PCDH15: variants seen among roughly 807,000 people sequenced by gnomAD.
PCDH15 encodes the protein protocadherin related 15.
Under a neutral mutation model 178.5 loss-of-function variants are expected in PCDH15, and 129 were observed. The ratio of observed to expected loss-of-function variants is 0.72; its 90% CI spans 0.63 to 0.84. The LOEUF (loss-of-function observed/expected upper bound fraction) is 0.84, where lower values mean the gene tolerates loss of function less well. PCDH15 is among the 40% of genes least tolerant of loss of function. The probability of loss-of-function intolerance (pLI) is 0.00; values close to 1 mark genes in which losing one functional copy is unlikely to be tolerated. For missense variants in PCDH15, 2,230 were observed against 2,099.9 expected (o/e 1.06, Z -1.21); for synonymous variants, 800 against 732.0 (o/e 1.09, Z -1.50).
At chr10:54,897,631 A>G (rs1170482756) in intron 2 of PCDH15, 1 of 152,152 alleles carries the variant, frequency 6.6e-6, no homozygotes, top group Non-Finnish European at 1.5e-5. Flanking sequence ...GTGTTTACAT[A>G]TTTTGTAGCT....
intron 15 of PCDH15, among the ~76,000 whole-genome samples, chr10:54,100,924 T>C (rs2094799822): frequency 6.6e-6 from 1 of 152,116 alleles, no homozygotes; most frequent in African/African-American, 2.4e-5. Flanking sequence ...TCATGTCCAC[T>C]TTATATACTG....
At chr10:54,174,764 G>A (rs2047281335) in intron 13 of PCDH15, among the ~76,000 whole-genome samples, 1 of 121,930 alleles carries the variant, frequency 8.2e-6, no homozygotes, top group South Asian at 2.5e-4. Context: ...GGAGTGCAAT[G>A]GCGCGATCTT....
chr10:54,569,018 A>G (rs1300677782), intron 2 of PCDH15, among the ~76,000 whole-genome samples: 1 of 151,952 alleles, frequency 6.6e-6, no homozygotes, highest in Non-Finnish European at 1.5e-5. Context: ...AAATTGCTCT[A>G]ATATAATTTT....
chr10:55,126,180 G>A (rs1430859278), intron 2 of PCDH15, among the ~76,000 whole-genome samples: 2 of 151,832 alleles, frequency 1.3e-5, no homozygotes, highest in Non-Finnish European at 2.9e-5. Context: ...TCTTATTCCT[G>A]CTCTGCTTCT....
chr10:55,468,226 T>C (rs755584144), intron 2 of PCDH15: 2 of 152,124 alleles, frequency 1.3e-5, no homozygotes, highest in African/African-American at 4.8e-5. Context: ...TCCTAGAAAG[T>C]TGCCCAACTT....
At chr10:53,895,299 C>T (rs904723601) in intron 26 of PCDH15, among the ~76,000 whole-genome samples, 11 of 152,160 alleles carry the variant, frequency 7.2e-5, no homozygotes, top group African/African-American at 2.7e-4. Context: ...TACGGCATCA[C>T]TCTGCTGAAA....
intron 2 of PCDH15, among the ~76,000 whole-genome samples, chr10:54,590,408 G>A (rs532936189): frequency 6.6e-6 from 1 of 152,230 alleles, no homozygotes; most frequent in East Asian, 1.9e-4. Flanking sequence ...CGATGTTTTG[G>A]ATGACTTTTG....
chr10:54,292,231 T>C (rs1370564096), intron 8 of PCDH15, among the ~76,000 whole-genome samples: 1 of 152,150 alleles, frequency 6.6e-6, no homozygotes, highest in East Asian at 1.9e-4. Flanking sequence ...CACATGATTA[T>C]CTCAATAGAT....
chr10:54,977,766 G>T (rs771873450), intron 2 of PCDH15, among the ~76,000 whole-genome samples: 17 of 151,964 alleles, frequency 1.1e-4, no homozygotes, highest in Non-Finnish European at 2.4e-4. Flanking sequence ...CCTCTCTTGG[G>T]GTCTGGATCA....
At chr10:55,009,748 A>G (rs1215794004) in intron 2 of PCDH15, among the ~76,000 whole-genome samples, 1 of 152,188 alleles carries the variant, frequency 6.6e-6, no homozygotes, top group African/African-American at 2.4e-5. Flanking sequence ...TCGAAAACTA[A>G]AGAGCGAAAC....
At chr10:55,188,233 T>C (rs896862457) in intron 1 of PCDH15, among the ~76,000 whole-genome samples, 2 of 152,000 alleles carry the variant, frequency 1.3e-5, no homozygotes, top group African/African-American at 4.8e-5. Context: ...TTTATTTATT[T>C]CTTCTAGAAT....
At chr10:53,897,405 A>T (rs187294182) in intron 26 of PCDH15, among the ~76,000 whole-genome samples, 1 of 152,236 alleles carries the variant, frequency 6.6e-6, no homozygotes, top group African/African-American at 2.4e-5. Context: ...GAATTAAATT[A>T]AATATAGTTT....
chr10:55,148,328 A>AAGTTGTGACTTTG (rs1838590362), intron 2 of PCDH15, among the ~76,000 whole-genome samples: 1 of 151,922 alleles, frequency 6.6e-6, no homozygotes, highest in African/African-American at 2.4e-5. Context: ...GGCCCAGAAG[A>AAGTTGTGACTTTG]TAGTAAGTCA....
At chr10:54,948,699 G>T (rs546061466) in intron 2 of PCDH15, among the ~76,000 whole-genome samples, 1 of 151,928 alleles carries the variant, frequency 6.6e-6, no homozygotes, top group African/African-American at 2.4e-5. Flanking sequence ...GACTTGTCAG[G>T]CTCCATAATT....
chr10:53,932,430 C>G lies in PCDH15; in HGVS notation c.3373+6385G>C, dbSNP rs572752868. Reference sequence around the variant, plus strand: ...TGTAATACTCCAGTCATTGTAATTGCTTGTTGCTCTTTTTCTGTCTACATT... The same window carrying G: ...TGTAATACTCCAGTCATTGTAATTGGTTGTTGCTCTTTTTCTGTCTACATT... On this transcript the variant is annotated intron_variant, in intron 25 of 37. Coordinates refer to ENST00000644397, the MANE Select transcript of PCDH15 (RefSeq NM_001384140.1). Among the ~76,000 whole-genome samples, 6 of 152,270 alleles carry G rather than the reference C, an allele frequency of 3.9e-5. No individual in the cohort carries two copies. The East Asian group carries it at 1.2e-3, about 29-fold the overall frequency.
intron 3 of PCDH15, among the ~76,000 whole-genome samples, chr10:54,388,489 C>T (rs1950176131): frequency 1.3e-5 from 2 of 152,112 alleles, no homozygotes; most frequent in African/African-American, 2.4e-5. Context: ...GAGGGCATGC[C>T]TTCGTGACCT....
chr10:54,329,644 C>A lies in PCDH15; in HGVS notation c.657G>T (p.Arg219Ser). The A allele has an allele frequency of 6.2e-7, 1 of 1,609,286 alleles. No individual in the cohort carries two copies. Among genetic ancestry groups the A allele is most frequent in the Admixed American group, 1.7e-5 (1 of 59,920 alleles). The change falls in exon 7 of 38, where the codon AGG (arginine) becomes AGT (serine). Residue 219 changes from arginine to serine, a missense_variant. Transcript: ENST00000644397. ...MLTGNIVLRK[R>S]LNYEDKTRYF... ...AGCGAGTCTTATCTTCATAGTTGAG[C>A]CTCTTCCTTAACACTATATTTCCAG...
At chr10:54,369,527 C>A (rs1947328798) in intron 4 of PCDH15, among the ~76,000 whole-genome samples, 1 of 151,846 alleles carries the variant, frequency 6.6e-6, no homozygotes, top group Non-Finnish European at 1.5e-5. Flanking sequence ...ATGAGCGCAC[C>A]CACAAAATTA....
intron 15 of PCDH15, among the ~76,000 whole-genome samples, chr10:54,104,845 C>CAAAAA (rs56195842): frequency 7.6e-3 from 367 of 48,466 alleles, no homozygotes; most frequent in East Asian, 0.025. Flanking sequence ...TCAACAACAA[C>CAAAAA]AAAAAAAAAA....
Sources: allele counts gnomAD v4.1 joint callset (sites outside exome capture counted in the v4.1 genomes callset), GRCh38; gene constraint gnomAD v4.1.1; transcripts MANE v1.5; gene names NCBI Gene and HGNC (gene_info 2026-07-23, HGNC 2026-07-21).